Variants in CCDC192 observed in about 807,000 individuals in gnomAD.
CCDC192 encodes coiled-coil domain-containing protein 192.
chr5:127,767,535 T>A (rs1284297337), intron 3 of CCDC192, among the ~76,000 whole-genome samples: 1 of 152,228 alleles, frequency 6.6e-6, no homozygotes, highest in Non-Finnish European at 1.5e-5. Flanking sequence ...TAGAACCCAA[T>A]ATTATTGCTT....
chr5:127,817,654 G>C (rs114921002), intron 5 of CCDC192, among the ~76,000 whole-genome samples: 442 of 152,272 alleles, frequency 2.9e-3, no homozygotes, highest in African/African-American at 9.9e-3. Flanking sequence ...TAATGGATAT[G>C]AATTTATTTT....
chr5:127,912,904 G>A (rs1228577776), intron 6 of CCDC192, among the ~76,000 whole-genome samples: 1 of 152,184 alleles, frequency 6.6e-6, no homozygotes, highest in Non-Finnish European at 1.5e-5. Flanking sequence ...GTTAATTAGG[G>A]TGGGTGACAC....
At chr5:127,934,164 A>G (rs1319609049) in intron 6 of CCDC192, among the ~76,000 whole-genome samples, 2 of 145,978 alleles carry the variant, frequency 1.4e-5, no homozygotes, top group African/African-American at 4.9e-5. Flanking sequence ...CAGCCCTTCC[A>G]TCATGATCTC....
At chr5:127,742,633 C>T (rs757312213) in intron 2 of CCDC192, among the ~76,000 whole-genome samples, 41 of 151,838 alleles carry the variant, frequency 2.7e-4, no homozygotes, top group Non-Finnish European at 4.6e-4. Context: ...ATTTTCACAC[C>T]CAAAATAATT....
At chr5:127,756,782 C>T (rs1358219217) in intron 3 of CCDC192, among the ~76,000 whole-genome samples, 2 of 152,226 alleles carry the variant, frequency 1.3e-5, no homozygotes, top group South Asian at 4.1e-4. Context: ...AAACCATGAA[C>T]TGAATTCCTT....
Position 127,880,545 on chromosome 5 carries a change from A to T in CCDC192, c.535+4884A>T, listed in dbSNP as rs539112485. ...TGCAGCGCACCAGCATGGCACATGT[A>T]TACATATGTAACTAACCTGCACAAT... is the stretch of plus-strand genomic sequence containing the variant. On this transcript the variant is annotated intron_variant, in intron 6 of 6. Coordinates refer to ENST00000514853, the MANE Select transcript of CCDC192 (RefSeq NM_001317938.2). 3.3e-5 allele frequency among the ~76,000 whole-genome samples: 5 copies of T among 151,720 alleles called. No homozygotes were observed. The South Asian group carries it at 1.0e-3, about 32-fold the overall frequency.
chr5:127,863,673 A>C (rs1751469454), intron 5 of CCDC192, among the ~76,000 whole-genome samples: 1 of 152,238 alleles, frequency 6.6e-6, no homozygotes, highest in African/African-American at 2.4e-5. Context: ...TACACTTAGA[A>C]ACGGTTAAAA....
chr5:127,932,431 C>T (rs545054578), intron 6 of CCDC192, among the ~76,000 whole-genome samples: 9 of 152,124 alleles, frequency 5.9e-5, no homozygotes, highest in African/African-American at 2.2e-4. Context: ...CTCGAACTCC[C>T]AACTTCAGGT....
chr5:127,874,710 G>A (rs1751995907), intron 5 of CCDC192, among the ~76,000 whole-genome samples: 2 of 152,092 alleles, frequency 1.3e-5, no homozygotes, highest in Non-Finnish European at 2.9e-5. Context: ...TTGGCAAGGT[G>A]AGCTCTTCAG....
chr5:127,740,955 A>T (rs562667623), intron 2 of CCDC192, among the ~76,000 whole-genome samples: 1 of 152,202 alleles, frequency 6.6e-6, no homozygotes, highest in Admixed American at 6.5e-5. Context: ...TGTCACACAA[A>T]AAAAGTACCA....
chr5:127,818,660 G>A (rs1015390011), intron 5 of CCDC192, among the ~76,000 whole-genome samples: 7 of 152,180 alleles, frequency 4.6e-5, no homozygotes. Flanking sequence ...GCTCCAAGAA[G>A]CCATCAGGTA....
At chr5:127,842,954 G>T (rs1248230690) in intron 5 of CCDC192, among the ~76,000 whole-genome samples, 1 of 151,968 alleles carries the variant, frequency 6.6e-6, no homozygotes, top group African/African-American at 2.4e-5. Context: ...GCAAGGAATT[G>T]GAGTTTCATG....
intron 2 of CCDC192, chr5:127,739,790 C>T (rs112688892): frequency 0.057 from 8,805 of 153,424 alleles, 570 homozygotes; most frequent in East Asian, 0.27. Flanking sequence ...TGCTTCGGCT[C>T]GCGCATGGTG....
In CCDC192 at chr5:127,703,496, A is replaced by C; in HGVS notation, c.51A>C (p.Ser17=). 4 of 399,018 alleles carry C rather than the reference A, an allele frequency of 1.0e-5. No homozygotes were observed. Among genetic ancestry groups the C allele is most frequent in the Non-Finnish European group, 1.8e-5 (4 of 226,048 alleles). 24.7% of individuals were successfully genotyped at this position (399,018 alleles called of 1,614,324 possible). ...KKSVVPESDT[S]ERSSMTSGSS... ...CTGTGGTCCCAGAGTCTGACACCTCAGAGAGAAGCAGGTGAGTTCCCAGCT... is the reference window on the plus strand; with the variant it reads ...CTGTGGTCCCAGAGTCTGACACCTCCGAGAGAAGCAGGTGAGTTCCCAGCT... The change falls in exon 1 of 7, where the codon TCA becomes TCC. Residue 17 remains serine, a synonymous_variant. Transcript: ENST00000514853.
chr5:127,919,534 TAG>T (rs1753646746), intron 6 of CCDC192, among the ~76,000 whole-genome samples: 1 of 152,194 alleles, frequency 6.6e-6, no homozygotes, highest in Non-Finnish European at 1.5e-5. Context: ...ACCGTAATGG[TAG>T]AGTCACTCTC....
At chr5:127,704,794 G>A (rs1326806348) in intron 1 of CCDC192, among the ~76,000 whole-genome samples, 5 of 151,608 alleles carry the variant, frequency 3.3e-5, no homozygotes, top group Admixed American at 1.3e-4. Flanking sequence ...AGCCTAGATC[G>A]CGACACTGCA....
intron 6 of CCDC192, among the ~76,000 whole-genome samples, chr5:127,933,186 C>T (rs940268220): frequency 1.3e-5 from 2 of 152,134 alleles, no homozygotes; most frequent in African/African-American, 4.8e-5. Flanking sequence ...AAAGAGGTCC[C>T]AGATCACATA....
intron 6 of CCDC192, among the ~76,000 whole-genome samples, chr5:127,926,031 C>CA (rs35955986): frequency 0.14 from 20,706 of 151,992 alleles, 1,643 homozygotes; most frequent in South Asian, 0.21. Flanking sequence ...GATTTATAGA[C>CA]AAAAAAAGGG....
rs550881447 is a variant in CCDC192, at chr5:127,912,066, C to T, written c.536-29116C>T. 2.6e-5 allele frequency among the ~76,000 whole-genome samples: 4 copies of T among 151,700 alleles called. No individual in the cohort carries two copies. In the South Asian group the frequency reaches 8.4e-4, roughly 32 times the overall value. ...CCTCCCGAGCAGCTGGGACTACAAG[C>T]TCACATCACCATGCCCAGCTAATTT... On this transcript the variant is annotated intron_variant, in intron 6 of 6. Transcript: ENST00000514853.
Sources: gnomAD v4.1 joint callset for allele counts (sites outside exome capture counted in the v4.1 genomes callset) on GRCh38, gnomAD v4.1.1 for gene constraint, MANE v1.5 for transcripts, NCBI Gene and HGNC (gene_info 2026-07-23, HGNC 2026-07-21) for gene names.